PPHLN1: variants seen among roughly 807,000 people sequenced by gnomAD.
PPHLN1 encodes the protein periphilin-1.
A neutral mutation model predicts 51.3 loss-of-function variants in PPHLN1; 29 were observed. The ratio of observed to expected loss-of-function variants is 0.57; its 90% CI spans 0.42 to 0.77. The LOEUF (loss-of-function observed/expected upper bound fraction) is 0.77. Ranked by LOEUF, PPHLN1 falls within the 30% of genes least tolerant of loss-of-function variation. The probability of loss-of-function intolerance (pLI) is 0.00; values close to 1 mark genes in which losing one functional copy is unlikely to be tolerated. For synonymous variants in PPHLN1, 147 were observed against 147.8 expected (o/e 0.99, Z 0.04); for missense variants, 436 against 438.4 (o/e 0.99, Z 0.05).
At chr12:42,389,530 A>T (rs577324587) in intron 7 of PPHLN1, among the ~76,000 whole-genome samples, 178 of 152,364 alleles carry the variant, frequency 1.2e-3, no homozygotes, top group African/African-American at 4.2e-3. Context: ...ACTGCACTCC[A>T]GCCTGGGCGA....
intron 8 of PPHLN1, among the ~76,000 whole-genome samples, chr12:42,397,921 AC>A (rs901672562): frequency 1.3e-5 from 2 of 149,588 alleles, no homozygotes; most frequent in African/African-American, 2.5e-5. Flanking sequence ...ACGGGTTTTC[AC>A]CATGTTGGCC....
chr12:42,347,569 C>A (rs1362066134), intron 2 of PPHLN1, among the ~76,000 whole-genome samples: 1 of 152,146 alleles, frequency 6.6e-6, no homozygotes. Flanking sequence ...TACCTGAGGT[C>A]AGGAATTCGA....
chr12:42,401,832 G>A (rs2078868478), intron 9 of PPHLN1, among the ~76,000 whole-genome samples: 1 of 151,876 alleles, frequency 6.6e-6, no homozygotes. Context: ...GTACCATTTT[G>A]AGGTGTTTTT....
At chr12:42,329,801 A>T (rs1471093788) in intron 1 of PPHLN1, 2 of 151,890 alleles carry the variant, frequency 1.3e-5, no homozygotes, top group African/African-American at 4.9e-5. Context: ...GCCCCTCCAC[A>T]CCTGTGGGTG....
intron 9 of PPHLN1, among the ~76,000 whole-genome samples, chr12:42,426,228 A>ACACCCCC (rs371819974): frequency 7.7e-5 from 10 of 129,872 alleles, no homozygotes; most frequent in African/African-American, 3.3e-4. Context: ...ACACACACAC[A>ACACCCCC]CCCTCATGCA....
At chr12:42,355,513 A>T in intron 4 of PPHLN1, 3 of 247,542 alleles carry the variant, frequency 1.2e-5, no homozygotes, top group Non-Finnish European at 2.3e-5. Context: ...AAGGCGGGCA[A>T]ATCACTTGAG....
chr12:42,354,305 G>A (rs1430058377), intron 3 of PPHLN1, among the ~76,000 whole-genome samples: 2 of 152,078 alleles, frequency 1.3e-5, no homozygotes, highest in South Asian at 2.1e-4. Context: ...TACAACCTCC[G>A]GCTCTTGGGT....
At chr12:42,342,048 T>C (rs888665347) in intron 2 of PPHLN1, among the ~76,000 whole-genome samples, 2 of 152,130 alleles carry the variant, frequency 1.3e-5, no homozygotes, top group African/African-American at 4.8e-5. Flanking sequence ...ACTACAGAGA[T>C]TTTGTATGTA....
intron 2 of PPHLN1, among the ~76,000 whole-genome samples, chr12:42,344,849 T>C (rs1260917393): frequency 6.6e-6 from 1 of 151,790 alleles, no homozygotes; most frequent in Non-Finnish European, 1.5e-5. Context: ...GCTGGGATTA[T>C]AGATGTGTGC....
intron 6 of PPHLN1, among the ~76,000 whole-genome samples, chr12:42,385,287 CT>C (rs1413083090): frequency 6.6e-6 from 1 of 152,154 alleles, no homozygotes; most frequent in Non-Finnish European, 1.5e-5. Context: ...TCTGTTTACT[CT>C]TTTTGTGTTC....
intron 9 of PPHLN1, among the ~76,000 whole-genome samples, chr12:42,402,854 G>T (rs1016377156): frequency 2.6e-5 from 4 of 152,102 alleles, no homozygotes; most frequent in South Asian, 2.1e-4. Flanking sequence ...TGTAGCTGTG[G>T]CCATTTTCTC....
At chr12:42,352,817 A>G (rs2073546161) in intron 3 of PPHLN1, among the ~76,000 whole-genome samples, 1 of 152,020 alleles carries the variant, frequency 6.6e-6, no homozygotes, top group Non-Finnish European at 1.5e-5. Context: ...GGCTGGGCAT[A>G]GCGGCTCACA....
In PPHLN1 at chr12:42,383,260, T is replaced by A. The variant is rs117404738; in HGVS notation, c.512-1680T>A. On this transcript the variant is annotated intron_variant, in intron 5 of 9. Transcript: ENST00000358314. ...GTAGCATTTGCTGATATCTGTGGAG[T>A]GTAGATTCTCATCATAGTTCAGCTA... is the stretch of plus-strand genomic sequence containing the variant. 1.4e-3 allele frequency among the ~76,000 whole-genome samples: 206 copies of A among 152,250 alleles called. 5 individuals carry two copies. The East Asian group carries it at 0.035, about 26-fold the overall frequency.
chr12:42,394,597 C>G (rs1392178727), intron 8 of PPHLN1, among the ~76,000 whole-genome samples: 1 of 152,070 alleles, frequency 6.6e-6, no homozygotes, highest in Non-Finnish European at 1.5e-5. Flanking sequence ...AGAACTTACG[C>G]AAATAGAGCC....
At chr12:42,431,176 A>C (rs1301905798) in intron 9 of PPHLN1, among the ~76,000 whole-genome samples, 1 of 152,232 alleles carries the variant, frequency 6.6e-6, no homozygotes. Flanking sequence ...TTCTCTATAA[A>C]GCATTTAAAA....
At chr12:42,352,687 C>T (rs1039404646) in intron 3 of PPHLN1, among the ~76,000 whole-genome samples, 1 of 151,874 alleles carries the variant, frequency 6.6e-6, no homozygotes, top group Admixed American at 6.6e-5. Context: ...CCCACCTTGG[C>T]CTCCCAAAGT....
At chr12:42,350,846 C>G (rs543590663) in intron 2 of PPHLN1, among the ~76,000 whole-genome samples, 74 of 152,194 alleles carry the variant, frequency 4.9e-4, no homozygotes, top group African/African-American at 1.7e-3. Context: ...CGCCTGCAAT[C>G]CCAGGCACTC....
At position 42,393,589 on chromosome 12, in the gene PPHLN1, G is replaced by A. The variant is rs2077924517; in HGVS notation, c.668G>A (p.Arg223Lys). ...SSSKVLDKPS[R>K]LTEKELAEAA... is the part of the protein sequence containing the mutation. Reference sequence around the variant, plus strand: ...TATTAGGTGTTAGACAAACCCAGTAGGCTAACTGAAAAGGAACTTGCTGAG... The same window carrying A: ...TATTAGGTGTTAGACAAACCCAGTAAGCTAACTGAAAAGGAACTTGCTGAG... Residue 223 changes from arginine to lysine, a missense_variant, in exon 8 of 10, where the codon AGG (arginine) becomes AAG (lysine). Coordinates refer to ENST00000358314, the MANE Select transcript of PPHLN1 (RefSeq NM_201439.2). 1 of 1,609,342 alleles carries A rather than the reference G, an allele frequency of 6.2e-7. No homozygotes were observed. The highest frequency in any genetic ancestry group is 1.3e-5 in the African/African-American group (1 of 74,740).
At chr12:42,438,664 C>T (rs560558932) in intron 9 of PPHLN1, among the ~76,000 whole-genome samples, 7 of 152,238 alleles carry the variant, frequency 4.6e-5, no homozygotes, top group Middle Eastern at 6.8e-3. Flanking sequence ...TGCAGTGGCA[C>T]GATCTCAGCT....
Sources: allele counts gnomAD v4.1 joint callset (sites outside exome capture counted in the v4.1 genomes callset), GRCh38; gene constraint gnomAD v4.1.1; transcripts MANE v1.5; gene names NCBI Gene and HGNC (gene_info 2026-07-23, HGNC 2026-07-21).